The following VPS13B variants were observed in gnomAD, a reference collection of about 807,000 sequenced individuals.
VPS13B encodes intermembrane lipid transfer protein VPS13B.
VPS13B carries 285 observed loss-of-function variants against 426.4 expected under a neutral mutation model. The ratio of observed to expected loss-of-function variants is 0.67; its 90% confidence interval spans 0.61 to 0.74. VPS13B has a LOEUF of 0.74. Ranked by LOEUF, VPS13B falls within the 30% of genes least tolerant of loss-of-function variation. The pLI is 0.00. For missense variants in VPS13B, 4,537 were observed against 4,782.6 expected, an observed-to-expected ratio of 0.95 and a Z score of 1.51; for synonymous variants, 1,676 against 1,676.4, an observed-to-expected ratio of 1.00 and a Z score of 0.01.
In VPS13B at chr8:99,096,452, A is replaced by T; in HGVS notation, c.412+20A>T. ...CACCAGGTAACTTCTAATGGGATCA[A>T]TAAAACCAAATTTCAATTTTTGGCC... is the stretch of plus-strand genomic sequence containing the variant. On this transcript the variant is annotated intron_variant, in intron 4 of 61. Coordinates refer to ENST00000357162, the MANE Select transcript of VPS13B (RefSeq NM_152564.5). 6.2e-7 allele frequency: 1 copy of T among 1,613,628 alleles called. No homozygotes were observed. Among genetic ancestry groups the T allele is most frequent in the Non-Finnish European group, 8.5e-7 (1 of 1,179,722 alleles).
intron 23 of VPS13B, among the ~76,000 whole-genome samples, chr8:99,450,966 G>A (rs1818168564): frequency 6.6e-6 from 1 of 152,054 alleles, no homozygotes; most frequent in African/African-American, 2.4e-5. Flanking sequence ...TATTGCATCT[G>A]TTAATATCTG....
intron 37 of VPS13B, among the ~76,000 whole-genome samples, chr8:99,719,974 A>C (rs1173821838): frequency 6.6e-6 from 1 of 152,140 alleles, no homozygotes; most frequent in Non-Finnish European, 1.5e-5. Context: ...CAAGGTTATT[A>C]TTATGATTTT....
intron 33 of VPS13B, 97 bp downstream of exon 33, chr8:99,577,730 A>G (rs1418989613): frequency 8.3e-6 from 12 of 1,437,842 alleles, no homozygotes; most frequent in Non-Finnish European, 1.2e-5. Flanking sequence ...TTTCTGCTTA[A>G]TTATTCTGTG....
intron 31 of VPS13B, among the ~76,000 whole-genome samples, chr8:99,568,914 C>T (rs1263554847): frequency 6.6e-6 from 1 of 151,512 alleles, no homozygotes; most frequent in Non-Finnish European, 1.5e-5. Flanking sequence ...CGGGTTCACG[C>T]CATTCTCCTG....
chr8:99,410,485 T>G (rs970569576), intron 21 of VPS13B, among the ~76,000 whole-genome samples: 1 of 152,156 alleles, frequency 6.6e-6, no homozygotes, highest in African/African-American at 2.4e-5. Context: ...TTGTGGAATC[T>G]TTCCTGCCAA....
intron 39 of VPS13B, among the ~76,000 whole-genome samples, chr8:99,728,834 T>C (rs1212979683): frequency 1.3e-5 from 2 of 152,208 alleles, no homozygotes; most frequent in African/African-American, 4.8e-5. Context: ...TGGAAACAAT[T>C]GCAAATTGCA....
chr8:99,300,880 GTTTTT>G (rs34461801), intron 19 of VPS13B, among the ~76,000 whole-genome samples: 9 of 123,774 alleles, frequency 7.3e-5, no homozygotes, highest in African/African-American at 2.7e-4. Context: ...ATTTAATATA[GTTTTT>G]TTTTTTTTTT....
At chr8:99,643,634 A>C (rs1829460871) in intron 34 of VPS13B, among the ~76,000 whole-genome samples, 2 of 152,178 alleles carry the variant, frequency 1.3e-5, no homozygotes, top group African/African-American at 2.4e-5. Flanking sequence ...ATAATGGGTC[A>C]AAAGAGCTGA....
At chr8:99,849,075 C>T (rs1046610585) in intron 55 of VPS13B, among the ~76,000 whole-genome samples, 181 bp downstream of exon 55, 2 of 152,034 alleles carry the variant, frequency 1.3e-5, no homozygotes, top group African/African-American at 2.4e-5. Flanking sequence ...AGCAATAAAC[C>T]GTCTTTCCTA....
intron 19 of VPS13B, among the ~76,000 whole-genome samples, chr8:99,331,572 G>T (rs1810545510): frequency 6.6e-6 from 1 of 151,562 alleles, no homozygotes; most frequent in South Asian, 2.1e-4. Flanking sequence ...AGTAAATCAA[G>T]AAAAAAATTA....
intron 37 of VPS13B, among the ~76,000 whole-genome samples, chr8:99,719,046 A>G (rs1833033202): frequency 6.6e-6 from 1 of 152,188 alleles, no homozygotes; most frequent in African/African-American, 2.4e-5. Context: ...CTAATAACTT[A>G]CTGTTTTGTG....
At chr8:99,458,193 T>C (rs1173774867) in intron 23 of VPS13B, among the ~76,000 whole-genome samples, 3 of 151,984 alleles carry the variant, frequency 2.0e-5, no homozygotes, top group Non-Finnish European at 4.4e-5. Context: ...TTGTGATAGT[T>C]TGCTGAGAAT....
chr8:99,286,987 G>A (rs916125130), intron 19 of VPS13B, among the ~76,000 whole-genome samples: 6 of 152,096 alleles, frequency 3.9e-5, no homozygotes, highest in Non-Finnish European at 1.5e-5. Flanking sequence ...GCCGTACTAG[G>A]TTCCTTTCAG....
At chr8:99,419,334 G>C (rs190018517) in intron 21 of VPS13B, among the ~76,000 whole-genome samples, 2 of 152,252 alleles carry the variant, frequency 1.3e-5, no homozygotes, top group African/African-American at 4.8e-5. Flanking sequence ...GTGGAACTGT[G>C]AGTCAATTAA....
chr8:99,458,072 C>T (rs1259863221), intron 23 of VPS13B, among the ~76,000 whole-genome samples: 1 of 149,380 alleles, frequency 6.7e-6, no homozygotes, highest in Non-Finnish European at 1.5e-5. Context: ...CCCCCTCCCC[C>T]CAACCCCACA....
Position 99,580,034 on chromosome 8 carries a change from A to T in VPS13B, c.5220+2401A>T, listed in dbSNP as rs1270500679. Among the ~76,000 whole-genome samples, 7 of 152,082 alleles carry T rather than the reference A, an allele frequency of 4.6e-5. No individual in the cohort carries two copies. In the East Asian group the frequency reaches 1.3e-3, roughly 29 times the overall value. ...TAAAAATTCCTTTTGAGAACAAAAG[A>T]AAAATAGGAAAATTAAACCTGGCTA... On this transcript the variant is annotated intron_variant, in intron 33 of 61. Coordinates refer to ENST00000357162, the MANE Select transcript of VPS13B (RefSeq NM_152564.5).
intron 35 of VPS13B, among the ~76,000 whole-genome samples, chr8:99,674,288 C>T (rs945255632): frequency 6.6e-6 from 1 of 151,982 alleles, no homozygotes; most frequent in Non-Finnish European, 1.5e-5. Flanking sequence ...TACCTATATA[C>T]TACAATGTTA....
chr8:99,721,153 A>G (rs1359318625), intron 39 of VPS13B, 106 bp downstream of exon 39: 3 of 1,162,842 alleles, frequency 2.6e-6, no homozygotes. Context: ...TAATAGTATC[A>G]GAGAGAAATA....
At chr8:99,505,714 G>A (rs987790048) in intron 27 of VPS13B, among the ~76,000 whole-genome samples, 3 of 152,142 alleles carry the variant, frequency 2.0e-5, no homozygotes, top group Non-Finnish European at 2.9e-5. Context: ...GAGACTGGAA[G>A]TCAGCATATA....
Sources: gnomAD v4.1 joint callset for allele counts (sites outside exome capture counted in the v4.1 genomes callset) on GRCh38, gnomAD v4.1.1 for gene constraint, MANE v1.5 for transcripts, NCBI Gene and HGNC (gene_info 2026-07-23, HGNC 2026-07-21) for gene names.